Variants in GLRA3 observed in about 807,000 individuals in gnomAD.
GLRA3 encodes glycine receptor alpha 3.
Under a neutral mutation model 60.4 loss-of-function variants are expected in GLRA3, and 44 were observed. The ratio of observed to expected loss-of-function variants is 0.73; its 90% CI spans 0.57 to 0.94. GLRA3 has a LOEUF of 0.94. GLRA3 is among the 40% of genes least tolerant of loss of function. The probability of loss-of-function intolerance (pLI) is 0.00; values close to 1 mark genes in which losing one functional copy is unlikely to be tolerated. For synonymous variants in GLRA3, 223 were observed against 192.9 expected (o/e 1.16, Z -1.29); for missense variants, 508 against 564.6 (o/e 0.90, Z 1.02).
rs2110830766 is a variant in GLRA3, at chr4:174,642,241, T to C, written c.*1545A>G. The C allele has an allele frequency of 2.2e-6, 2 of 916,800 alleles. No homozygotes were observed. Among genetic ancestry groups the C allele is most frequent in the South Asian group, 1.0e-4 (2 of 19,880 alleles). 56.8% of individuals were successfully genotyped at this position (916,800 alleles called of 1,614,324 possible). A position where few individuals can be genotyped will look rare whatever the true frequency, so the allele number is the denominator to read the frequency against. Reference sequence around the variant, plus strand: ...AGGTTTTAGTTTTAAATGGTAGTTTTTGCTTTTAATTTGAAAGTGGTTGAA... The same window carrying C: ...AGGTTTTAGTTTTAAATGGTAGTTTCTGCTTTTAATTTGAAAGTGGTTGAA... On this transcript the variant is annotated 3_prime_UTR_variant, in exon 10 of 10. Transcript: ENST00000274093.
chr4:174,767,256 G>C (rs1317518982), intron 2 of GLRA3, among the ~76,000 whole-genome samples: 1 of 151,638 alleles, frequency 6.6e-6, no homozygotes, highest in Non-Finnish European at 1.5e-5. Context: ...TACCTCTCTT[G>C]GTCTTAGTTT....
chr4:174,666,943 T>G (rs552005983), intron 7 of GLRA3, among the ~76,000 whole-genome samples: 2 of 151,874 alleles, frequency 1.3e-5, no homozygotes, highest in East Asian at 3.9e-4. Context: ...GGATTCAAGC[T>G]AGGATACAAT....
chr4:174,658,414 T>C (rs1733295488), intron 8 of GLRA3, among the ~76,000 whole-genome samples: 1 of 152,170 alleles, frequency 6.6e-6, no homozygotes, highest in Non-Finnish European at 1.5e-5. Flanking sequence ...ATTTAGGGCA[T>C]CCAAATCCAA....
chr4:174,678,056 C>A (rs1734197510), intron 6 of GLRA3, among the ~76,000 whole-genome samples: 1 of 152,136 alleles, frequency 6.6e-6, no homozygotes. Flanking sequence ...CACAATTGAA[C>A]ACGAATTATT....
rs115300172 is a variant in GLRA3 at position 174,705,150 on chromosome 4, C to T, written c.574+10338G>A. On this transcript the variant is annotated intron_variant, in intron 5 of 9. Transcript: ENST00000274093. ...TGTTTAAATTCGGTTGCAATTGTAGCAGAGTTAAGAGGCGAGACCTTTAAC... is the reference window on the plus strand; with the variant it reads ...TGTTTAAATTCGGTTGCAATTGTAGTAGAGTTAAGAGGCGAGACCTTTAAC... Among the ~76,000 whole-genome samples, 1,209 of 144,012 alleles carry T rather than the reference C, an allele frequency of 8.4e-3. 120 individuals carry two copies. The highest frequency in any genetic ancestry group is 0.029 in the African/African-American group (1,155 of 39,934). 94.5% of individuals were successfully genotyped at this position (144,012 alleles called of 152,430 possible). A position where few individuals can be genotyped will look rare whatever the true frequency, so the allele number is the denominator to read the frequency against.
intron 1 of GLRA3, among the ~76,000 whole-genome samples, chr4:174,807,093 G>C (rs1740081426): frequency 6.6e-6 from 1 of 152,000 alleles, no homozygotes; most frequent in African/African-American, 2.4e-5. Context: ...TGCTTGAATA[G>C]ACTTAGAAAG....
intron 2 of GLRA3, among the ~76,000 whole-genome samples, chr4:174,768,009 T>G (rs1417191141): frequency 1.3e-5 from 2 of 152,104 alleles, no homozygotes; most frequent in East Asian, 3.9e-4. Flanking sequence ...TTTCCACAAA[T>G]GCCCTAGAGA....
At chr4:174,751,548 C>A (rs1036982976) in intron 3 of GLRA3, among the ~76,000 whole-genome samples, 1 of 152,050 alleles carries the variant, frequency 6.6e-6, no homozygotes, top group African/African-American at 2.4e-5. Context: ...ATAGTTTGAT[C>A]TCCAGTTTAT....
intron 2 of GLRA3, among the ~76,000 whole-genome samples, chr4:174,787,315 A>G (rs1217301242): frequency 6.6e-6 from 1 of 152,072 alleles, no homozygotes; most frequent in Non-Finnish European, 1.5e-5. Flanking sequence ...CTGAATATGG[A>G]CTCACCATAA....
intron 5 of GLRA3, among the ~76,000 whole-genome samples, chr4:174,700,106 C>T (rs1423973866): frequency 6.6e-6 from 1 of 152,122 alleles, no homozygotes; most frequent in African/African-American, 2.4e-5. Context: ...ATGACAGAAA[C>T]AGTGATTGTA....
intron 4 of GLRA3, among the ~76,000 whole-genome samples, chr4:174,728,267 C>G (rs748264988): frequency 6.6e-6 from 1 of 152,076 alleles, no homozygotes; most frequent in Non-Finnish European, 1.5e-5. Flanking sequence ...AGTGGATTTC[C>G]AAGAATTACT....
chr4:174,819,518 C>T (rs574350187), intron 1 of GLRA3, among the ~76,000 whole-genome samples: 11 of 152,286 alleles, frequency 7.2e-5, no homozygotes, highest in African/African-American at 2.6e-4. Context: ...ATTCTATCAC[C>T]TGCTCAAGAT....
At chr4:174,683,224 G>A (rs1224480151) in intron 5 of GLRA3, among the ~76,000 whole-genome samples, 1 of 151,862 alleles carries the variant, frequency 6.6e-6, no homozygotes, top group Non-Finnish European at 1.5e-5. Flanking sequence ...TCTTTCCTTG[G>A]GATGGGTAGC....
intron 2 of GLRA3, among the ~76,000 whole-genome samples, chr4:174,772,436 A>T (rs1017256481): frequency 6.6e-6 from 1 of 152,000 alleles, no homozygotes. Flanking sequence ...AACATAAAAA[A>T]GTGTGATTTG....
intron 1 of GLRA3, among the ~76,000 whole-genome samples, chr4:174,810,519 C>G (rs993969505): frequency 6.6e-6 from 1 of 151,702 alleles, no homozygotes; most frequent in East Asian, 1.9e-4. Context: ...TGGAAAGAAA[C>G]ATATTAAATG....
chr4:174,716,331 T>C (rs1561073815), intron 4 of GLRA3, among the ~76,000 whole-genome samples: 1 of 152,226 alleles, frequency 6.6e-6, no homozygotes, highest in Non-Finnish European at 1.5e-5. Context: ...AGATGCTGTA[T>C]ACCAGTATTC....
At chr4:174,695,156 T>G (rs1332652881) in intron 5 of GLRA3, among the ~76,000 whole-genome samples, 1 of 151,820 alleles carries the variant, frequency 6.6e-6, no homozygotes, top group Non-Finnish European at 1.5e-5. Flanking sequence ...TTTACCAGAT[T>G]TGTACAAAGA....
At chr4:174,790,825 C>CAAAAAAAAAATACA (rs1739309501) in intron 1 of GLRA3, among the ~76,000 whole-genome samples, 2 of 65,126 alleles carry the variant, frequency 3.1e-5, no homozygotes, top group Non-Finnish European at 5.2e-5. Flanking sequence ...CTAAAAAATA[C>CAAAAAAAAAATACA]AAAAAAAAAA....
chr4:174,717,264 G>A lies in GLRA3; in HGVS notation c.492-1694C>T, dbSNP rs1352247742. 1.6e-4 allele frequency among the ~76,000 whole-genome samples: 23 copies of A among 143,026 alleles called. 1 individual carries two copies. The Admixed American group carries it at 1.6e-3, about 10-fold the overall frequency. The allele number at this position is 143,026 out of a possible 152,430, so 93.8% of individuals were successfully genotyped here. A position where few individuals can be genotyped will look rare whatever the true frequency, so the allele number is the denominator to read the frequency against. The stretch of plus-strand genomic sequence containing the variant: ...ATGCAGGAAGGAAGGGAGGGAGGGA[G>A]GGAGAGAGAGAGAGAGAAAGAGAGA... On this transcript the variant is annotated intron_variant, in intron 4 of 9. Coordinates refer to ENST00000274093, the MANE Select transcript of GLRA3 (RefSeq NM_006529.4).
Sources: gnomAD v4.1 joint callset for allele counts (sites outside exome capture counted in the v4.1 genomes callset) on GRCh38, gnomAD v4.1.1 for gene constraint, MANE v1.5 for transcripts, NCBI Gene and HGNC (gene_info 2026-07-23, HGNC 2026-07-21) for gene names.